PATJ: variants seen among roughly 807,000 people sequenced by gnomAD.
PATJ encodes inaD-like protein.
Under a neutral mutation model 224.9 loss-of-function variants are expected in PATJ, and 190 were observed. That is an observed-to-expected ratio of 0.84 (90% CI 0.75 to 0.95). PATJ has a LOEUF of 0.95. Among genes scored for constraint, PATJ ranks in the 40% least tolerant of loss-of-function variants. The pLI is 0.00. For synonymous variants in PATJ, 769 were observed against 820.3 expected, an observed-to-expected ratio of 0.94 and a Z score of 1.07; for missense variants, 2,121 against 2,270.3, an observed-to-expected ratio of 0.93 and a Z score of 1.34.
intron 26 of PATJ, among the ~76,000 whole-genome samples, chr1:61,925,615 C>T (rs1009674700): frequency 1.3e-5 from 2 of 152,112 alleles, no homozygotes; most frequent in Non-Finnish European, 2.9e-5. Context: ...ATCTCTGAGG[C>T]ATCACAATTT....
intron 41 of PATJ, among the ~76,000 whole-genome samples, chr1:62,142,954 A>G (rs1046636747): frequency 6.6e-6 from 1 of 152,208 alleles, no homozygotes; most frequent in Non-Finnish European, 1.5e-5. Flanking sequence ...TACCCGTTTT[A>G]TATTTGAAAA....
chr1:61,795,630 G>A (rs1650929777), intron 10 of PATJ, 72 bp downstream of exon 10: 1 of 874,272 alleles, frequency 1.1e-6, no homozygotes, highest in Non-Finnish European at 1.9e-6. Context: ...TAATACATGT[G>A]AGAGGGGGAA....
chr1:61,955,185 G>A (rs1434774887), intron 27 of PATJ, among the ~76,000 whole-genome samples: 1 of 152,092 alleles, frequency 6.6e-6, no homozygotes, highest in African/African-American at 2.4e-5. Context: ...ATGCTTGGAG[G>A]GGTTTATCCA....
intron 38 of PATJ, among the ~76,000 whole-genome samples, chr1:62,122,311 G>A (rs1665156590): frequency 6.8e-6 from 1 of 146,814 alleles, no homozygotes; most frequent in Admixed American, 6.9e-5. Context: ...ATGGCAGTGA[G>A]CTAAGATCGG....
At chr1:62,116,734 C>A in intron 36 of PATJ, 55 bp downstream of exon 36, 1 of 1,520,116 alleles carries the variant, frequency 6.6e-7, no homozygotes, top group Non-Finnish European at 8.9e-7. Context: ...CCAGTGGGAA[C>A]TGTTCCAGTC....
chr1:62,113,023 GT>G (rs1664038428), intron 34 of PATJ, among the ~76,000 whole-genome samples: 1 of 152,176 alleles, frequency 6.6e-6, no homozygotes, highest in African/African-American at 2.4e-5. Context: ...ATTTCAGAGA[GT>G]TAGTATAAGG....
intron 27 of PATJ, among the ~76,000 whole-genome samples, chr1:61,933,034 A>G (rs1245119057): frequency 6.6e-6 from 1 of 152,226 alleles, no homozygotes; most frequent in Non-Finnish European, 1.5e-5. Context: ...AGTTGCACAT[A>G]TTTTATGACA....
At chr1:62,059,768 T>G (rs1478516522) in intron 31 of PATJ, among the ~76,000 whole-genome samples, 1 of 152,160 alleles carries the variant, frequency 6.6e-6, no homozygotes, top group Non-Finnish European at 1.5e-5. Flanking sequence ...AGATGAAAGT[T>G]AATAATGACT....
At chr1:61,744,900 C>T (rs1196923892) in intron 1 of PATJ, among the ~76,000 whole-genome samples, 1 of 152,162 alleles carries the variant, frequency 6.6e-6, no homozygotes, top group Non-Finnish European at 1.5e-5. Context: ...CTTGCTAGAG[C>T]AGCTCACGGA....
intron 3 of PATJ, 37 bp from the exon 4 acceptor site, chr1:61,766,242 T>G: frequency 7.4e-7 from 1 of 1,357,878 alleles, no homozygotes; most frequent in Non-Finnish European, 1.0e-6. Flanking sequence ...AATTTTTCTA[T>G]AGATTTCTGT....
At chr1:61,811,270 C>A (rs1654710730) in intron 14 of PATJ, among the ~76,000 whole-genome samples, 1 of 152,092 alleles carries the variant, frequency 6.6e-6, no homozygotes, top group African/African-American at 2.4e-5. Flanking sequence ...TTTTTATTGC[C>A]TAGGCTGGGG....
chr1:62,027,476 TAC>T (rs1260745596), intron 29 of PATJ, among the ~76,000 whole-genome samples: 1 of 152,208 alleles, frequency 6.6e-6, no homozygotes, highest in Non-Finnish European at 1.5e-5. Context: ...TTTGGATATA[TAC>T]CACACAAATG....
intron 31 of PATJ, among the ~76,000 whole-genome samples, chr1:62,055,426 A>G (rs984682156): frequency 1.3e-5 from 2 of 152,242 alleles, no homozygotes; most frequent in African/African-American, 2.4e-5. Context: ...CTGGAGCTAG[A>G]CTACTTGGGT....
intron 41 of PATJ, among the ~76,000 whole-genome samples, chr1:62,146,845 T>C (rs1668090367): frequency 6.6e-6 from 1 of 151,462 alleles, no homozygotes; most frequent in South Asian, 2.1e-4. Flanking sequence ...GGATGGAATG[T>C]GGGTTGTGAG....
chr1:62,125,551 A>G (rs924241307), intron 39 of PATJ, among the ~76,000 whole-genome samples: 1 of 152,222 alleles, frequency 6.6e-6, no homozygotes, highest in African/African-American at 2.4e-5. Flanking sequence ...GGGAAGTTAA[A>G]TGTACCAACA....
intron 21 of PATJ, among the ~76,000 whole-genome samples, chr1:61,882,255 G>C (rs1201820342): frequency 6.6e-6 from 1 of 152,168 alleles, no homozygotes. Context: ...CAGGCTGACT[G>C]TTTTCATAGG....
chr1:61,841,802 T>C (rs939527876), intron 17 of PATJ, among the ~76,000 whole-genome samples: 4 of 152,126 alleles, frequency 2.6e-5, no homozygotes, highest in Non-Finnish European at 4.4e-5. Flanking sequence ...TAAAGGCTAC[T>C]TTTTGCCCAT....
intron 1 of PATJ, among the ~76,000 whole-genome samples, chr1:61,753,609 A>G (rs1055777633): frequency 6.6e-6 from 1 of 151,792 alleles, no homozygotes; most frequent in African/African-American, 2.4e-5. Flanking sequence ...TCCCGGGTTC[A>G]AGCGATTCTC....
Position 61,984,167 on chromosome 1 carries a change from T to TTA in PATJ, c.3671-6000_3671-5999insAT, listed in dbSNP as rs1420757990. 2.3e-4 allele frequency among the ~76,000 whole-genome samples: 32 copies of TTA among 137,136 alleles called. 1 individual carries two copies. Among genetic ancestry groups the TTA allele is most frequent in the African/African-American group, 4.2e-4 (14 of 33,190 alleles). 90.0% of individuals were successfully genotyped at this position (137,136 alleles called of 152,430 possible). Reference sequence around the variant, plus strand: ...ACGCTCAATTATTATTATTATTATTTTTTTTTTTTTTGAGGCAGAGTGTTG... The same window carrying TTA: ...ACGCTCAATTATTATTATTATTATTTTATTTTTTTTTTTGAGGCAGAGTGTTG... On this transcript the variant is annotated intron_variant, in intron 27 of 43. Coordinates refer to ENST00000642238, the MANE Select transcript of PATJ (RefSeq NM_001350145.3).
Sources: gnomAD v4.1 joint callset for allele counts (sites outside exome capture counted in the v4.1 genomes callset) on GRCh38, gnomAD v4.1.1 for gene constraint, MANE v1.5 for transcripts, NCBI Gene and HGNC (gene_info 2026-07-23, HGNC 2026-07-21) for gene names.